OCA2: variants seen among roughly 807,000 people sequenced by gnomAD.
OCA2 encodes the protein P protein.
In OCA2, 77 loss-of-function variants were observed where a neutral mutation model predicts 100.2. The observed-to-expected ratio is 0.77, with a 90% confidence interval of 0.64 to 0.93. The LOEUF (loss-of-function observed/expected upper bound fraction) is 0.93, where lower values mean the gene tolerates loss of function less well. OCA2 is among the 40% of genes least tolerant of loss of function. The pLI, the probability that OCA2 is intolerant of heterozygous loss-of-function variation, is 0.00. For synonymous variants in OCA2, 432 were observed against 439.2 expected (o/e 0.98, Z 0.21); for missense variants, 1,062 against 1,089.1 (o/e 0.98, Z 0.35).
intron 18 of OCA2, among the ~76,000 whole-genome samples, chr15:27,928,772 T>G (rs1473939307): frequency 1.3e-5 from 2 of 152,216 alleles, no homozygotes; most frequent in African/African-American, 4.8e-5. Context: ...TGCCTCTTCT[T>G]CTGTCACAGC....
rs574772268 is a variant in OCA2, at chr15:28,081,853, C to T, written c.22G>A (p.Gly8Ser). 22 of 1,611,252 alleles carry T rather than the reference C, an allele frequency of 1.4e-5. No homozygotes were observed. Among genetic ancestry groups the T allele is most frequent in the East Asian group, 2.2e-5 (1 of 44,856 alleles). ...GCCGGCGCGCCGGGGTACCGCCTGC[C>T]GTCTCTGCCCTCCAGATGCATGCTC... MHLEGRD[G>S]RRYPGAPAVE... is the part of the protein sequence containing the mutation. Residue 8 changes from glycine to serine, a missense_variant, in exon 2 of 24, where the codon GGC (glycine) becomes AGC (serine). Coordinates refer to ENST00000354638, the MANE Select transcript of OCA2 (RefSeq NM_000275.3).
At chr15:27,952,925 C>T (rs1012241664) in intron 17 of OCA2, among the ~76,000 whole-genome samples, 4 of 152,086 alleles carry the variant, frequency 2.6e-5, no homozygotes, top group Non-Finnish European at 5.9e-5. Flanking sequence ...TCAAGCAATG[C>T]GTCCACCTCT....
intron 9 of OCA2, among the ~76,000 whole-genome samples, chr15:27,993,181 T>A (rs940300520): frequency 6.6e-6 from 1 of 152,138 alleles, no homozygotes; most frequent in Non-Finnish European, 1.5e-5. Context: ...TCAGCAGGAT[T>A]GGATAGCAGC....
At chr15:27,870,818 G>A (rs75945157) in intron 21 of OCA2, among the ~76,000 whole-genome samples, 2,268 of 148,306 alleles carry the variant, frequency 0.015, 51 homozygotes, top group African/African-American at 0.051. Context: ...GAAAGAGAGA[G>A]AGAAAGAAAG....
intron 19 of OCA2, among the ~76,000 whole-genome samples, chr15:27,915,054 AAC>A (rs1187131480): frequency 6.6e-6 from 1 of 151,732 alleles, no homozygotes; most frequent in African/African-American, 2.4e-5. Flanking sequence ...ACCCAGAAAT[AAC>A]ACACCTACAA....
chr15:28,066,413 G>C (rs940904130), intron 2 of OCA2, among the ~76,000 whole-genome samples: 7 of 152,082 alleles, frequency 4.6e-5, no homozygotes, highest in East Asian at 1.9e-4. Flanking sequence ...GATGGGAGAG[G>C]GGGGTGGGAG....
chr15:28,011,552 C>G (rs1200924364), intron 9 of OCA2, among the ~76,000 whole-genome samples: 1 of 151,800 alleles, frequency 6.6e-6, no homozygotes, highest in Non-Finnish European at 1.5e-5. Flanking sequence ...GAAAACCAAT[C>G]TTTGGACTCT....
At chr15:27,733,866 A>T in the OCA2 span, among the ~76,000 whole-genome samples, 1 of 151,964 alleles carries the variant, frequency 6.6e-6, no homozygotes, top group African/African-American at 2.4e-5. Flanking sequence ...GTATATTATT[A>T]AAATTATATG....
At chr15:27,774,190 C>G (rs1256322666) in intron 23 of OCA2, among the ~76,000 whole-genome samples, 1 of 152,166 alleles carries the variant, frequency 6.6e-6, no homozygotes, top group East Asian at 1.9e-4. Flanking sequence ...CAAATCTGTT[C>G]ACTGAATGCT....
chr15:27,748,397 C>A, the OCA2 span, among the ~76,000 whole-genome samples: 1 of 152,154 alleles, frequency 6.6e-6, no homozygotes. Context: ...ATTTTCTCCA[C>A]ATCCTCAAGC....
intron 23 of OCA2, among the ~76,000 whole-genome samples, chr15:27,789,151 T>C (rs968549225): frequency 6.6e-6 from 1 of 150,902 alleles, no homozygotes; most frequent in Non-Finnish European, 1.5e-5. Flanking sequence ...CTCATCTATA[T>C]AGCTGTGTAT....
At chr15:27,926,043 T>C (rs897720603) in intron 19 of OCA2, 84 bp downstream of exon 19, 98 of 1,463,718 alleles carry the variant, frequency 6.7e-5, no homozygotes, top group Middle Eastern at 2.0e-4. Context: ...GATTAATAGA[T>C]GTAGGCTTTC....
Position 27,829,279 on chromosome 15 carries a change from T to TGATAGATAGATAGATA in OCA2, c.2432+15664_2432+15679dup, listed in dbSNP as rs56223349. Among the ~76,000 whole-genome samples the TGATAGATAGATAGATA allele has an allele frequency of 7.3e-3, 787 of 107,606 alleles. 2 individuals are homozygous for TGATAGATAGATAGATA. The highest frequency in any genetic ancestry group is 0.013 in the Non-Finnish European group (589 of 46,400). The allele number at this position is 107,606 out of a possible 152,430, so 70.6% of individuals were successfully genotyped here. A position where few individuals can be genotyped will look rare whatever the true frequency, so the allele number is the denominator to read the frequency against. On this transcript the variant is annotated intron_variant, in intron 23 of 23. Coordinates refer to ENST00000354638, the MANE Select transcript of OCA2 (RefSeq NM_000275.3). ...ATAGAGACAAGAGATAGAAGATAGA[T>TGATAGATAGATAGATA]GATAGATAGATAGATAGATAGATAG...
intron 23 of OCA2, among the ~76,000 whole-genome samples, chr15:27,811,140 G>C (rs1188754245): frequency 2.6e-5 from 4 of 152,092 alleles, no homozygotes; most frequent in Non-Finnish European, 2.9e-5. Context: ...TGACCACTGA[G>C]TGGATAAAGA....
In OCA2 at chr15:27,771,332, C is replaced by T. The variant is rs544953330; in HGVS notation, c.2433-15860G>A. Among the ~76,000 whole-genome samples, 348 of 150,736 alleles carry T rather than the reference C, an allele frequency of 2.3e-3. 2 individuals are homozygous for T. The highest frequency in any genetic ancestry group is 7.9e-3 in the African/African-American group (322 of 40,956). On this transcript the variant is annotated intron_variant, in intron 23 of 23. Coordinates refer to ENST00000354638, the MANE Select transcript of OCA2 (RefSeq NM_000275.3). The stretch of plus-strand genomic sequence containing the variant: ...CGGCCCCAGCTCGGAGAAAGGGCGG[C>T]GCTATAGAGAGGACGGGCCCTGCCT...
Position 28,014,879 on chromosome 15 carries a change from A to C in OCA2, c.941T>G (p.Val314Gly), listed in dbSNP as rs762262964. The change falls in exon 9 of 24, where the codon GTC (valine) becomes GGC (glycine). Residue 314 changes from valine (V) to glycine (G), a missense_variant. By Grantham distance (109) the Val-to-Gly change is moderately radical. Coordinates refer to ENST00000354638, the MANE Select transcript of OCA2 (RefSeq NM_000275.3). ...GTACTGATGAGCCATCAAAAGAGGG[A>C]CAGCCTGGGTCTGCTGCAGGGAGGC... Reference protein sequence around the residue: ...IRASLQQTQAVPLLMAHQYLR... With the variant: ...IRASLQQTQAGPLLMAHQYLR... The C allele has an allele frequency of 6.2e-6, 10 of 1,614,020 alleles. No homozygotes were observed. In the African/African-American group the frequency reaches 1.3e-4, roughly 22 times the overall value.
At chr15:27,967,960 C>T (rs1387692945) in intron 14 of OCA2, among the ~76,000 whole-genome samples, 1 of 152,074 alleles carries the variant, frequency 6.6e-6, no homozygotes, top group Non-Finnish European at 1.5e-5. Context: ...TCACTGACGT[C>T]CTGGAATAAG....
chr15:28,016,142 C>T lies in OCA2; in HGVS notation c.852G>A (p.Glu284=). 6.2e-7 allele frequency: 1 copy of T among 1,614,184 alleles called. No homozygotes were observed. The highest frequency in any genetic ancestry group is 8.5e-7 in the Non-Finnish European group (1 of 1,180,022). ...CAAAGGTCCTGCTCATCACTGAGTG[C>T]TCGCTTCTCCTCGGATTTAAATACA... is the stretch of plus-strand genomic sequence containing the variant. ...WTVYLNPRRS[E]HSVMSRTFEV... The change falls in exon 8 of 24, where the codon GAG becomes GAA. Residue 284 remains glutamate (E), a synonymous_variant. Coordinates refer to ENST00000354638, the MANE Select transcript of OCA2 (RefSeq NM_000275.3).
chr15:28,016,507 G>A (rs1026360261), intron 7 of OCA2, among the ~76,000 whole-genome samples: 2 of 152,204 alleles, frequency 1.3e-5, no homozygotes, highest in East Asian at 1.9e-4. Flanking sequence ...GCCCAGACGC[G>A]CTGGCTCACG....
Sources: allele counts gnomAD v4.1 joint callset (sites outside exome capture counted in the v4.1 genomes callset), GRCh38; gene constraint gnomAD v4.1.1; transcripts MANE v1.5; gene names NCBI Gene and HGNC (gene_info 2026-07-23, HGNC 2026-07-21).